TJP1: variants seen among roughly 807,000 people sequenced by gnomAD.
TJP1 encodes the protein tight junction protein ZO-1.
A neutral mutation model predicts 194.2 loss-of-function variants in TJP1; 43 were observed. That is an observed-to-expected ratio of 0.22 (90% CI 0.17 to 0.29). The LOEUF (loss-of-function observed/expected upper bound fraction) is 0.29, where lower values mean the gene tolerates loss of function less well. TJP1 is among the 10% of genes least tolerant of loss of function. The pLI, the probability that TJP1 is intolerant of heterozygous loss-of-function variation, is 1.00. For missense variants in TJP1, 1,971 were observed against 2,185.7 expected (o/e 0.90, Z 1.96); for synonymous variants, 801 against 779.0 (o/e 1.03, Z -0.47).
At chr15:29,794,717 T>C (rs745759525) in intron 2 of TJP1, among the ~76,000 whole-genome samples, 7 of 152,188 alleles carry the variant, frequency 4.6e-5, no homozygotes, top group Non-Finnish European at 1.0e-4. Flanking sequence ...TTATTTTGCT[T>C]ATTGAAAAAA....
In TJP1 at chr15:29,705,580, A is replaced by G. The variant is rs371656462; in HGVS notation, c.5016T>C (p.Tyr1672=). The change falls in exon 26 of 28, where the codon TAT becomes TAC. Residue 1672 remains tyrosine (Y), a synonymous_variant. Coordinates refer to ENST00000614355, the MANE Select transcript of TJP1 (RefSeq NM_001330239.4). ...AIPEGVEQEI[Y]FKVCRDNSIL... ...TGCTGTTGTCCCGGCAGACCTTGAA[A>G]TAGATTTCCTGCTCAACTCCTTCGG... 18 of 1,614,114 alleles carry G rather than the reference A, an allele frequency of 1.1e-5. No homozygotes were observed. Among genetic ancestry groups the G allele is most frequent in the Middle Eastern group, 1.6e-4 (1 of 6,084 alleles).
chr15:29,815,526 A>G (rs974105460), intron 1 of TJP1, among the ~76,000 whole-genome samples: 1 of 152,246 alleles, frequency 6.6e-6, no homozygotes, highest in Non-Finnish European at 1.5e-5. Context: ...TTCAGCTACT[A>G]TAATGCTCAG....
At chr15:29,953,189 T>C (rs1041428711) in intron 2 of TJP1, among the ~76,000 whole-genome samples, 2 of 142,956 alleles carry the variant, frequency 1.4e-5, no homozygotes, top group African/African-American at 5.2e-5. Context: ...TCGTCCAGAC[T>C]GGAGTGCGGT....
Position 29,762,391 on chromosome 15 carries a change from G to T in TJP1, c.637C>A (p.Gln213Lys). 1.2e-6 allele frequency: 2 copies of T among 1,613,598 alleles called. No individual in the cohort carries two copies. The highest frequency in any genetic ancestry group is 8.5e-7 in the Non-Finnish European group (1 of 1,179,912). Residue 213 changes from glutamine to lysine, a missense_variant, in exon 6 of 28, where the codon CAA (glutamine) becomes AAA (lysine). This residue lies in a region of TJP1 where 245 missense variants were observed against 336.6 expected (regional missense o/e 0.73). Coordinates refer to ENST00000614355, the MANE Select transcript of TJP1 (RefSeq NM_001330239.4). The part of the protein sequence containing the change: ...ASHIFVKEIS[Q>K]DSLAARDGNI... The stretch of plus-strand genomic sequence containing the variant: ...CCATCTCTTGCTGCCAAACTATCTT[G>T]TGAAATTTCCTTAACAAATATATGG...
intron 2 of TJP1, among the ~76,000 whole-genome samples, chr15:29,774,239 G>C (rs1317657633): frequency 2.0e-5 from 3 of 151,962 alleles, no homozygotes; most frequent in African/African-American, 7.2e-5. Context: ...GTCCGCAACA[G>C]AGGAGACTAT....
intron 1 of TJP1, among the ~76,000 whole-genome samples, chr15:29,809,019 G>A (rs991885973): frequency 2.0e-5 from 3 of 152,048 alleles, no homozygotes; most frequent in African/African-American, 7.2e-5. Flanking sequence ...TTAAAATGTG[G>A]GTAGTCCAAA....
At chr15:29,752,424 G>A (rs2045351926) in intron 8 of TJP1, among the ~76,000 whole-genome samples, 1 of 151,924 alleles carries the variant, frequency 6.6e-6, no homozygotes, top group African/African-American at 2.4e-5. Flanking sequence ...TTTTAAACGG[G>A]ATATATGATA....
chr15:29,891,938 G>A (rs1165564826), intron 2 of TJP1, among the ~76,000 whole-genome samples: 1 of 152,178 alleles, frequency 6.6e-6, no homozygotes, highest in Non-Finnish European at 1.5e-5. Flanking sequence ...CAAGTAAAAG[G>A]TCCGTCATAT....
intron 2 of TJP1, among the ~76,000 whole-genome samples, chr15:29,859,557 C>T (rs2051994121): frequency 6.6e-6 from 1 of 151,978 alleles, no homozygotes. Context: ...ATTGTGGGTG[C>T]TCCCACCCAC....
chr15:29,895,665 C>A (rs2053454100), intron 2 of TJP1, among the ~76,000 whole-genome samples: 1 of 152,142 alleles, frequency 6.6e-6, no homozygotes, highest in African/African-American at 2.4e-5. Context: ...CCATTCACAG[C>A]AATCTAAGCT....
intron 2 of TJP1, among the ~76,000 whole-genome samples, chr15:29,926,161 T>C (rs530980317): frequency 9.8e-4 from 149 of 152,348 alleles, no homozygotes; most frequent in South Asian, 8.1e-3. Context: ...AATAGAAGTG[T>C]TTTTGTGAAC....
At chr15:29,866,238 C>T (rs920913041) in intron 2 of TJP1, among the ~76,000 whole-genome samples, 1 of 152,194 alleles carries the variant, frequency 6.6e-6, no homozygotes, top group African/African-American at 2.4e-5. Flanking sequence ...TCCTGCTCCC[C>T]GCATTCTTGT....
intron 2 of TJP1, among the ~76,000 whole-genome samples, chr15:29,917,760 A>G (rs1567194960): frequency 6.6e-6 from 1 of 152,208 alleles, no homozygotes; most frequent in Non-Finnish European, 1.5e-5. Context: ...TCTCCCAGGA[A>G]AAGAGCTGGC....
intron 2 of TJP1, among the ~76,000 whole-genome samples, chr15:29,937,970 A>C (rs2054938826): frequency 6.6e-6 from 1 of 152,248 alleles, no homozygotes; most frequent in South Asian, 2.1e-4. Flanking sequence ...ACTGTATCTC[A>C]CTTAACATAC....
intron 1 of TJP1, among the ~76,000 whole-genome samples, chr15:29,813,844 A>G (rs557201421): frequency 2.0e-5 from 3 of 152,320 alleles, no homozygotes; most frequent in South Asian, 4.1e-4. Context: ...TCCAGCACCT[A>G]CAACAGTGAT....
intron 2 of TJP1, among the ~76,000 whole-genome samples, chr15:29,918,603 C>T (rs1227590722): frequency 6.6e-6 from 1 of 151,916 alleles, no homozygotes; most frequent in South Asian, 2.1e-4. Context: ...CCAGGTGTGG[C>T]GGCACATGCC....
chr15:29,947,527 A>G (rs1351053344), intron 2 of TJP1, among the ~76,000 whole-genome samples: 1 of 152,170 alleles, frequency 6.6e-6, no homozygotes, highest in Non-Finnish European at 1.5e-5. Flanking sequence ...AGTTACCTAC[A>G]AAGTACCCGT....
At chr15:29,727,631 C>G (rs1027359551) in intron 16 of TJP1, among the ~76,000 whole-genome samples, 13 of 152,196 alleles carry the variant, frequency 8.5e-5, no homozygotes, top group Admixed American at 2.0e-4. Flanking sequence ...ATGTTCCTGA[C>G]ATTCCTTATG....
intron 2 of TJP1, among the ~76,000 whole-genome samples, chr15:29,857,416 A>T (rs1432057930): frequency 2.0e-5 from 3 of 152,066 alleles, no homozygotes; most frequent in African/African-American, 4.8e-5. Context: ...TAAAAGGCCT[A>T]CGTATGTAGT....
Sources: gnomAD v4.1 joint callset for allele counts (sites outside exome capture counted in the v4.1 genomes callset) on GRCh38, gnomAD v4.1.1 for gene constraint, gnomAD v4.1.1 regional missense constraint, MANE v1.5 for transcripts, NCBI Gene and HGNC (gene_info 2026-07-23, HGNC 2026-07-21) for gene names.